The following RANBP2 variants were observed in gnomAD, a reference collection of about 807,000 sequenced individuals.
The protein encoded by RANBP2 is E3 SUMO-protein ligase RanBP2.
RANBP2 carries 57 observed loss-of-function variants against 303.6 expected under a neutral mutation model. The ratio of observed to expected loss-of-function variants is 0.19; its 90% CI spans 0.15 to 0.23. The LOEUF (loss-of-function observed/expected upper bound fraction) is 0.23. Ranked by LOEUF, RANBP2 falls within the 10% of genes least tolerant of loss-of-function variation. The pLI, the probability that RANBP2 is intolerant of heterozygous loss-of-function variation, is 1.00. For synonymous variants in RANBP2, 1,167 were observed against 1,301.5 expected, an observed-to-expected ratio of 0.90 and a Z score of 2.23; for missense variants, 3,138 against 3,780.8, an observed-to-expected ratio of 0.83 and a Z score of 4.46.
chr2:109,735,182 C>CTAA, the RANBP2 span, among the ~76,000 whole-genome samples: 1 of 152,096 alleles, frequency 6.6e-6, no homozygotes, highest in Non-Finnish European at 1.5e-5. Context: ...TTTCCTAGCC[C>CTAA]TTAATAACCA....
At chr2:109,270,606 A>G in the RANBP2 span, among the ~76,000 whole-genome samples, 40 of 152,266 alleles carry the variant, frequency 2.6e-4, no homozygotes, top group Non-Finnish European at 4.3e-4. Context: ...CCAGGAGGCC[A>G]CGGGTGCAGG....
At chr2:108,980,122 G>A in the RANBP2 span, among the ~76,000 whole-genome samples, 1 of 151,706 alleles carries the variant, frequency 6.6e-6, no homozygotes, top group Non-Finnish European at 1.5e-5. Flanking sequence ...GGGTCGGGTG[G>A]GGGGCTGGGC....
the RANBP2 span, chr2:109,733,042 T>C: frequency 1.8e-6 from 1 of 566,562 alleles, no homozygotes; most frequent in South Asian, 1.4e-5. Flanking sequence ...GTCGCAGACC[T>C]CCAAGAAGGA....
the RANBP2 span, among the ~76,000 whole-genome samples, chr2:109,385,112 C>G: frequency 6.6e-6 from 1 of 152,184 alleles, no homozygotes; most frequent in African/African-American, 2.4e-5. Context: ...TCTGACAGGC[C>G]AGACCCCTGC....
the RANBP2 span, among the ~76,000 whole-genome samples, chr2:109,311,389 C>G: frequency 7.4e-6 from 1 of 134,324 alleles, no homozygotes; most frequent in African/African-American, 2.9e-5. Flanking sequence ...CAATATCATA[C>G]TGAATGGGCA....
chr2:109,429,012 C>G, the RANBP2 span, among the ~76,000 whole-genome samples: 3 of 152,178 alleles, frequency 2.0e-5, no homozygotes, highest in Non-Finnish European at 4.4e-5. Context: ...AACTGGCAGT[C>G]CTGACAGGAC....
chr2:108,994,943 C>T, the RANBP2 span, among the ~76,000 whole-genome samples: 2 of 151,036 alleles, frequency 1.3e-5, no homozygotes, highest in East Asian at 2.0e-4. Context: ...CATTCTCCTG[C>T]CTCAGCCTCC....
chr2:108,895,367 A>G, the RANBP2 span: 2 of 152,744 alleles, frequency 1.3e-5, no homozygotes, highest in East Asian at 1.9e-4. Flanking sequence ...CAGACCTGCC[A>G]TCAGGGAGTT....
At chr2:109,225,592 C>G in the RANBP2 span, among the ~76,000 whole-genome samples, 1 of 152,354 alleles carries the variant, frequency 6.6e-6, no homozygotes, top group Non-Finnish European at 1.5e-5. Flanking sequence ...ACGTTCCTCT[C>G]TGGGACTTCC....
chr2:108,961,303 C>T, the RANBP2 span, among the ~76,000 whole-genome samples: 9 of 151,950 alleles, frequency 5.9e-5, no homozygotes, highest in Admixed American at 3.9e-4. Flanking sequence ...GGGAGACACA[C>T]TGCAGCCTGG....
chr2:108,889,183 T>C, the RANBP2 span, among the ~76,000 whole-genome samples: 8 of 152,300 alleles, frequency 5.3e-5, no homozygotes, highest in East Asian at 1.5e-3. Flanking sequence ...TTGTGGTTTG[T>C]TAAGTTTTGT....
the RANBP2 span, among the ~76,000 whole-genome samples, chr2:109,358,224 A>G: frequency 6.6e-6 from 1 of 152,234 alleles, no homozygotes; most frequent in Non-Finnish European, 1.5e-5. Context: ...ATAGCTTAAT[A>G]GCTCATTTCC....
the RANBP2 span, among the ~76,000 whole-genome samples, chr2:109,332,148 G>A: frequency 6.6e-6 from 1 of 152,160 alleles, no homozygotes; most frequent in South Asian, 2.1e-4. Context: ...CCAGAGAGGC[G>A]CTTTACCCAT....
At chr2:108,877,354 T>C in the RANBP2 span, among the ~76,000 whole-genome samples, 1 of 151,694 alleles carries the variant, frequency 6.6e-6, no homozygotes, top group Admixed American at 6.6e-5. Context: ...TGATCCTAGC[T>C]ACTCGGGAGG....
intron 28 of RANBP2, 91 bp from the exon 29 acceptor site, chr2:108,783,505 G>T (rs1573861194): frequency 1.1e-6 from 1 of 909,476 alleles, no homozygotes; most frequent in Admixed American, 2.4e-5. Context: ...AACATGTAGT[G>T]ATGAGTTCTG....
chr2:108,782,534 A>C lies in RANBP2; in HGVS notation c.9041A>C (p.Glu3014Ala). 2.5e-6 allele frequency: 4 copies of C among 1,614,206 alleles called. No individual in the cohort carries two copies. The highest frequency in any genetic ancestry group is 3.4e-6 in the Non-Finnish European group (4 of 1,180,020). ...CCCTTTCCCTCCCTGCCAGATGGAG[A>C]AGCAAAAGTAGAACAGCTTGCAGTG... ...VWTASDYADG[E>A]AKVEQLAVRF... The change falls in exon 28 of 29, where the codon GAA (glutamate) becomes GCA (alanine). Residue 3014 changes from glutamate to alanine, a missense_variant. Around this residue, in one of 20 missense-constraint regions of RANBP2, gnomAD observed 204 missense variants for 228.4 expected, o/e 0.89. Transcript: ENST00000283195.
At chr2:109,102,201 C>T in the RANBP2 span, among the ~76,000 whole-genome samples, 1 of 151,968 alleles carries the variant, frequency 6.6e-6, no homozygotes, top group Non-Finnish European at 1.5e-5. Context: ...CCTGGGTTCA[C>T]GCCATTCTCC....
the RANBP2 span, chr2:109,564,300 A>C: frequency 7.3e-7 from 1 of 1,362,280 alleles, no homozygotes; most frequent in Non-Finnish European, 9.7e-7. Context: ...ATCATCCTGG[A>C]TATATAAAAA....
chr2:109,052,899 A>G, the RANBP2 span, among the ~76,000 whole-genome samples: 17 of 152,350 alleles, frequency 1.1e-4, no homozygotes, highest in African/African-American at 3.6e-4. Context: ...CTCTCACATT[A>G]ACCCCTAGAT....
Sources: allele counts gnomAD v4.1 joint callset (sites outside exome capture counted in the v4.1 genomes callset), GRCh38; gene constraint gnomAD v4.1.1; regional missense constraint gnomAD v4.1.1; transcripts MANE v1.5; gene names NCBI Gene and HGNC (gene_info 2026-07-23, HGNC 2026-07-21).